CDH4: variants seen among roughly 807,000 people sequenced by gnomAD.
CDH4 encodes the protein cadherin-4.
CDH4 carries 33 observed loss-of-function variants against 86.0 expected under a neutral mutation model. The ratio of observed to expected loss-of-function variants is 0.38; its 90% CI spans 0.29 to 0.51. CDH4 has a LOEUF of 0.51. CDH4 is among the 20% of genes least tolerant of loss of function. The pLI, the probability that CDH4 is intolerant of heterozygous loss-of-function variation, is 0.86. For synonymous variants in CDH4, 555 were observed against 549.4 expected, an observed-to-expected ratio of 1.01 and a Z score of -0.14; for missense variants, 1,114 against 1,307.4, an observed-to-expected ratio of 0.85 and a Z score of 2.28.
chr20:61,459,439 A>G (rs1016835599), intron 2 of CDH4, among the ~76,000 whole-genome samples: 1 of 151,170 alleles, frequency 6.6e-6, no homozygotes. Flanking sequence ...CTGGTCACGT[A>G]TTGGTATTGT....
At position 61,510,500 on chromosome 20, in the gene CDH4, G is replaced by A. The variant is rs1043907075; in HGVS notation, c.170-233063G>A. On this transcript the variant is annotated intron_variant, in intron 2 of 15. Transcript: ENST00000614565. The surrounding 1 kb of genome is among the most constrained non-coding windows in gnomAD (Gnocchi z 4.2). ...TGGGCTGATGGCATCCCATAAAGAA[G>A]AGAGATTCGTTCCACATAAAATGCA... is the stretch of plus-strand genomic sequence containing the variant. Among the ~76,000 whole-genome samples, 4 of 152,320 alleles carry A rather than the reference G, an allele frequency of 2.6e-5. No individual in the cohort carries two copies. Among genetic ancestry groups the A allele is most frequent in the African/African-American group, 9.6e-5 (4 of 41,588 alleles).
intron 2 of CDH4, among the ~76,000 whole-genome samples, chr20:61,622,395 G>T (rs1475598859): frequency 2.0e-5 from 3 of 152,252 alleles, no homozygotes; most frequent in Non-Finnish European, 4.4e-5. Context: ...AGTCTGTCAG[G>T]CATACCCCGG....
intron 2 of CDH4, among the ~76,000 whole-genome samples, chr20:61,486,045 A>G (rs931890580): frequency 1.3e-5 from 2 of 152,210 alleles, no homozygotes; most frequent in Non-Finnish European, 2.9e-5. Flanking sequence ...ACGTGAGAGA[A>G]ATGGGGAGCA....
At chr20:61,298,768 C>G (rs2084370620) in intron 2 of CDH4, among the ~76,000 whole-genome samples, 1 of 150,068 alleles carries the variant, frequency 6.7e-6, no homozygotes. Context: ...AAGTCATTTC[C>G]AAGTTAAGCT....
intron 2 of CDH4, among the ~76,000 whole-genome samples, chr20:61,288,951 T>C (rs995269301): frequency 6.8e-6 from 1 of 146,832 alleles, no homozygotes; most frequent in Admixed American, 7.0e-5. Flanking sequence ...GAAAGTGGCT[T>C]ATAGAGATCC....
intron 2 of CDH4, among the ~76,000 whole-genome samples, chr20:61,567,506 C>T (rs2086308433): frequency 1.3e-5 from 2 of 152,176 alleles, no homozygotes; most frequent in South Asian, 4.1e-4. Flanking sequence ...TTCAGGAGGG[C>T]TCCACCCTGG....
intron 3 of CDH4, among the ~76,000 whole-genome samples, chr20:61,747,486 A>G (rs1014582237): frequency 6.6e-6 from 1 of 151,650 alleles, no homozygotes; most frequent in Non-Finnish European, 1.5e-5. Context: ...GCTCCAGAGC[A>G]TGGGGCAATC....
At position 61,817,651 on chromosome 20, in the gene CDH4, T is replaced by C. The variant is rs953539307; in HGVS notation, c.577-27017T>C. Among the ~76,000 whole-genome samples the C allele has an allele frequency of 2.0e-5, 3 of 152,100 alleles. No homozygotes were observed. The South Asian group carries it at 6.2e-4, about 32-fold the overall frequency. On this transcript the variant is annotated intron_variant, in intron 4 of 15. Transcript: ENST00000614565. ...ACACTGAACAGTGAGTGCCCCGAGG[T>C]CACAGGTGTCTGCGCGTTCATCTCT...
intron 4 of CDH4, among the ~76,000 whole-genome samples, chr20:61,832,424 T>C (rs575358041): frequency 6.6e-5 from 10 of 152,324 alleles, no homozygotes; most frequent in African/African-American, 2.4e-4. Flanking sequence ...ATGTGACTAG[T>C]GTACTAGTTC....
chr20:61,773,437 G>A (rs2088802317), intron 4 of CDH4, among the ~76,000 whole-genome samples: 1 of 152,208 alleles, frequency 6.6e-6, no homozygotes, highest in Non-Finnish European at 1.5e-5. Context: ...GCTGCTGTGT[G>A]TGTGGAAGCA....
At chr20:61,443,208 C>T (rs893776810) in intron 2 of CDH4, among the ~76,000 whole-genome samples, 3 of 152,210 alleles carry the variant, frequency 2.0e-5, no homozygotes, top group Non-Finnish European at 2.9e-5. Context: ...CTCCCCTGCA[C>T]GCTTATTTGT....
chr20:61,454,519 C>T (rs952778832), intron 2 of CDH4, among the ~76,000 whole-genome samples: 2 of 152,156 alleles, frequency 1.3e-5, no homozygotes, highest in African/African-American at 2.4e-5. Context: ...GATCTCGGCT[C>T]ACTGCAAGCT....
At chr20:61,323,868 T>C (rs1407673765) in intron 2 of CDH4, among the ~76,000 whole-genome samples, 1 of 152,094 alleles carries the variant, frequency 6.6e-6, no homozygotes, top group African/African-American at 2.4e-5. Flanking sequence ...GTTGGGGAAA[T>C]TGAGATTGTA....
Position 61,709,988 on chromosome 20 carries a change from C to T in CDH4, c.170-33575C>T, listed in dbSNP as rs936997958. Among the ~76,000 whole-genome samples, 2 of 152,086 alleles carry T rather than the reference C, an allele frequency of 1.3e-5. No individual in the cohort carries two copies. The highest frequency in any genetic ancestry group is 4.8e-5 in the African/African-American group (2 of 41,396). On this transcript the variant is annotated intron_variant, in intron 2 of 15. Transcript: ENST00000614565. The surrounding 1 kb of genome is among the most constrained non-coding windows in gnomAD (Gnocchi z 4.8). ...GTAGGGAAAAGTTTGCCACCAACAG[C>T]GAGTTTAAAACTTTGAAACAGTAAC... is the stretch of plus-strand genomic sequence containing the variant.
chr20:61,767,935 C>G (rs1300094601), intron 3 of CDH4, among the ~76,000 whole-genome samples: 1 of 152,224 alleles, frequency 6.6e-6, no homozygotes, highest in Non-Finnish European at 1.5e-5. Flanking sequence ...AAGCTGCCCC[C>G]TCATGCATCT....
intron 14 of CDH4, 135 bp downstream of exon 14, chr20:61,933,259 C>G: frequency 8.8e-7 from 1 of 1,141,046 alleles, no homozygotes; most frequent in Non-Finnish European, 1.2e-6. Context: ...CAGGCAGGGG[C>G]GCACGGTTTC....
chr20:61,288,212 C>T (rs2084303378), intron 2 of CDH4, among the ~76,000 whole-genome samples: 1 of 147,540 alleles, frequency 6.8e-6, no homozygotes, highest in South Asian at 2.2e-4. Flanking sequence ...AAAAAAAAAT[C>T]CCTTTTCATG....
chr20:61,458,386 TGA>T (rs1568852323), intron 2 of CDH4, among the ~76,000 whole-genome samples: 1 of 140,878 alleles, frequency 7.1e-6, no homozygotes, highest in Non-Finnish European at 1.6e-5. Context: ...GATGGTATGG[TGA>T]TGGTCATGAT....
At chr20:61,284,028 C>G (rs546788074) in intron 2 of CDH4, among the ~76,000 whole-genome samples, 1 of 151,980 alleles carries the variant, frequency 6.6e-6, no homozygotes, top group South Asian at 2.1e-4. Flanking sequence ...TAGCTTTGGC[C>G]GGGCGCGGTG....
Sources: allele counts gnomAD v4.1 joint callset (sites outside exome capture counted in the v4.1 genomes callset), GRCh38; gene constraint gnomAD v4.1.1; non-coding constraint Gnocchi (gnomAD v3.1); transcripts MANE v1.5; gene names NCBI Gene and HGNC (gene_info 2026-07-23, HGNC 2026-07-21).